TOMM40: variants seen among roughly 807,000 people sequenced by gnomAD.
The protein encoded by TOMM40 is mitochondrial import receptor subunit TOM40 homolog.
A neutral mutation model predicts 38.4 loss-of-function variants in TOMM40; 9 were observed. The observed-to-expected ratio is 0.23, with a 90% CI of 0.14 to 0.41. The LOEUF (loss-of-function observed/expected upper bound fraction) is 0.41. TOMM40 is among the 10% of genes least tolerant of loss of function. The pLI, the probability that TOMM40 is intolerant of heterozygous loss-of-function variation, is 1.00. For synonymous variants in TOMM40, 184 were observed against 210.0 expected, an observed-to-expected ratio of 0.88 and a Z score of 1.07; for missense variants, 299 against 486.5, an observed-to-expected ratio of 0.61 and a Z score of 3.63.
chr19:44,891,551 G>A lies in TOMM40; in HGVS notation c.136G>A (p.Ala46Thr), dbSNP rs372186500. Residue 46 changes from alanine to threonine, a missense_variant, in exon 1 of 9, where the codon GCC becomes ACC. Coordinates refer to ENST00000426677, the MANE Select transcript of TOMM40 (RefSeq NM_001128917.2). Reference sequence around the variant, plus strand: ...GCCGCCGCTGGGAGGCAGCCTGGGCGCCGGCACCAGTACGAGTCGAAGTTC... The same window carrying A: ...GCCGCCGCTGGGAGGCAGCCTGGGCACCGGCACCAGTACGAGTCGAAGTTC... Reference protein sequence around the residue: ...TLPPLGGSLGAGTSTSRSSER... With the variant: ...TLPPLGGSLGTGTSTSRSSER... 2.5e-5 allele frequency: 35 copies of A among 1,423,010 alleles called. No homozygotes were observed. The highest frequency in any genetic ancestry group is 2.5e-4 in the Middle Eastern group (1 of 4,014). The allele number at this position is 1,423,010 out of a possible 1,614,324, so 88.1% of individuals were successfully genotyped here. A position where few individuals can be genotyped will look rare whatever the true frequency, so the allele number is the denominator to read the frequency against.
chr19:44,892,919 G>A lies in TOMM40; in HGVS notation c.425G>A (p.Ser142Asn), dbSNP rs777739537. Residue 142 changes from serine to asparagine, a missense_variant, in exon 3 of 9, where the codon AGT becomes AAT. Physicochemically the swap from Ser to Asn is conservative, Grantham distance 46 (BLOSUM62 1). Coordinates refer to ENST00000426677, the MANE Select transcript of TOMM40 (RefSeq NM_001128917.2). Reference protein sequence around the residue: ...GVTYVGTKQLSPTEAFPVLVG... With the variant: ...GVTYVGTKQLNPTEAFPVLVG... ...ACATATGTGGGGACAAAGCAGCTGA[G>A]TCCCACAGAGGTGAGCTTCCTTTTT... is the stretch of plus-strand genomic sequence containing the variant. 1.2e-6 allele frequency: 2 copies of A among 1,613,302 alleles called. No individual in the cohort carries two copies. The highest frequency in any genetic ancestry group is 1.7e-6 in the Non-Finnish European group (2 of 1,179,460).
At chr19:44,897,314 G>A (rs1286727880) in intron 5 of TOMM40, among the ~76,000 whole-genome samples, 1 of 152,154 alleles carries the variant, frequency 6.6e-6, no homozygotes, top group Non-Finnish European at 1.5e-5. Context: ...CTGGAACTCA[G>A]AGGCCAGAGA....
intron 8 of TOMM40, 55 bp from the exon 9 acceptor site, chr19:44,902,975 C>G: frequency 6.3e-7 from 1 of 1,585,212 alleles, no homozygotes; most frequent in Non-Finnish European, 8.6e-7. Flanking sequence ...GCCAGGAACT[C>G]TGCATGGATA....
At chr19:44,893,727 C>A in intron 3 of TOMM40, 53 bp from the exon 4 acceptor site, 1 of 1,476,652 alleles carries the variant, frequency 6.8e-7, no homozygotes. Flanking sequence ...GCCCATCTCA[C>A]ATACTTGCAC....
intron 5 of TOMM40, among the ~76,000 whole-genome samples, chr19:44,896,642 A>G (rs1034160617): frequency 1.3e-5 from 2 of 152,106 alleles, no homozygotes; most frequent in Non-Finnish European, 2.9e-5. Flanking sequence ...GGAGCCCGTG[A>G]GCCTCCCCAG....
Position 44,901,291 on chromosome 19 carries a change from G to A in TOMM40, c.927G>A (p.Lys309=). ...TCGGGTACCAGCTGGACCTGCCCAAGGCCAACCTCCTCTTCAAAGGTAAAG... is the reference window on the plus strand; with the variant it reads ...TCGGGTACCAGCTGGACCTGCCCAAAGCCAACCTCCTCTTCAAAGGTAAAG... ...VSFGYQLDLP[K]ANLLFKGSVD... is the part of the protein sequence containing the mutation. The change falls in exon 8 of 9, where the codon AAG becomes AAA. Residue 309 remains lysine (K), a synonymous_variant. Transcript: ENST00000426677. 6.2e-7 allele frequency: 1 copy of A among 1,613,982 alleles called. No homozygotes were observed. The highest frequency in any genetic ancestry group is 1.1e-5 in the South Asian group (1 of 91,016).
At chr19:44,894,553 C>T (rs1205103596) in intron 5 of TOMM40, among the ~76,000 whole-genome samples, 1 of 152,118 alleles carries the variant, frequency 6.6e-6, no homozygotes, top group Non-Finnish European at 1.5e-5. Context: ...TGAGCCACCA[C>T]GCCCAGCCAG....
chr19:44,903,393 C>A lies in TOMM40; in HGVS notation c.*224C>A. ...TAGCAGGGGCAGCATGCCCAGTGGG[C>A]CTGGGGTCCCGGGAGGGATTCCGGA... is the stretch of plus-strand genomic sequence containing the variant. On this transcript the variant is annotated 3_prime_UTR_variant, in exon 9 of 9. Coordinates refer to ENST00000426677, the MANE Select transcript of TOMM40 (RefSeq NM_001128917.2). 1 of 487,230 alleles carries A rather than the reference C, an allele frequency of 2.1e-6. No homozygotes were observed. Among genetic ancestry groups the A allele is most frequent in the Non-Finnish European group, 3.6e-6 (1 of 279,378 alleles). 30.2% of individuals were successfully genotyped at this position (487,230 alleles called of 1,614,324 possible).
At chr19:44,902,616 G>T (rs571746708) in intron 8 of TOMM40, 1 of 155,818 alleles carries the variant, frequency 6.4e-6, no homozygotes, top group African/African-American at 2.4e-5. Flanking sequence ...AGGCACACTG[G>T]TCGTAGTCCC....
intron 8 of TOMM40, chr19:44,901,676 G>A: frequency 2.8e-6 from 1 of 355,308 alleles, no homozygotes; most frequent in South Asian, 6.1e-5. Context: ...GGCGGAGCTT[G>A]CGGTGAGCCG....
intron 3 of TOMM40, among the ~76,000 whole-genome samples, chr19:44,893,143 C>T (rs985788615): frequency 6.6e-6 from 1 of 152,170 alleles, no homozygotes; most frequent in Admixed American, 6.5e-5. Flanking sequence ...CCATGCTGAG[C>T]AGTGCTGGGG....
intron 5 of TOMM40, among the ~76,000 whole-genome samples, chr19:44,899,986 C>G (rs1969649153): frequency 6.6e-6 from 1 of 151,934 alleles, no homozygotes; most frequent in East Asian, 1.9e-4. Context: ...CCACTCTCTT[C>G]CTCCCCAATT....
At chr19:44,895,833 C>A (rs894517164) in intron 5 of TOMM40, among the ~76,000 whole-genome samples, 2 of 152,278 alleles carry the variant, frequency 1.3e-5, no homozygotes, top group Admixed American at 1.3e-4. Context: ...AGGTGTGAGC[C>A]ACCGCGCCCG....
chr19:44,892,629 C>T (rs1171563424), intron 2 of TOMM40, among the ~76,000 whole-genome samples, 169 bp downstream of exon 2: 1 of 152,138 alleles, frequency 6.6e-6, no homozygotes, highest in East Asian at 1.9e-4. Context: ...GACCTAGAAT[C>T]CAGAGGTACT....
intron 5 of TOMM40, 120 bp downstream of exon 5, chr19:44,894,186 T>G (rs1969521926): frequency 1.4e-6 from 1 of 710,538 alleles, no homozygotes; most frequent in Non-Finnish European, 2.2e-6. Context: ...CAGGAGTGAT[T>G]TTGAAACATC....
chr19:44,895,382 G>A (rs2122753279), intron 5 of TOMM40, among the ~76,000 whole-genome samples: 1 of 152,256 alleles, frequency 6.6e-6, no homozygotes, highest in East Asian at 1.9e-4. Context: ...CCAGGAGACA[G>A]GGAAGCTGGA....
chr19:44,894,365 A>G (rs1416167015), intron 5 of TOMM40, among the ~76,000 whole-genome samples: 1 of 149,074 alleles, frequency 6.7e-6, no homozygotes, highest in Non-Finnish European at 1.5e-5. Context: ...GGGTTCATGC[A>G]ATTCTCCTGC....
At chr19:44,899,191 C>T (rs901108320) in intron 5 of TOMM40, among the ~76,000 whole-genome samples, 3 of 151,618 alleles carry the variant, frequency 2.0e-5, no homozygotes, top group Non-Finnish European at 4.4e-5. Flanking sequence ...CTGTTGCCCA[C>T]GTTGGAGTGC....
chr19:44,902,104 T>C (rs1258128658), intron 8 of TOMM40: 1 of 152,028 alleles, frequency 6.6e-6, no homozygotes, highest in East Asian at 1.9e-4. Context: ...AAAAATAAAA[T>C]GAAATAAATA....
Sources: gnomAD v4.1 joint callset for allele counts (sites outside exome capture counted in the v4.1 genomes callset) on GRCh38, gnomAD v4.1.1 for gene constraint, MANE v1.5 for transcripts, NCBI Gene and HGNC (gene_info 2026-07-23, HGNC 2026-07-21) for gene names.